EYA2: variants seen among roughly 807,000 people sequenced by gnomAD.
The protein encoded by EYA2 is protein phosphatase EYA2.
In EYA2, 31 loss-of-function variants were observed where a neutral mutation model predicts 69.2. The observed-to-expected ratio is 0.45, with a 90% CI of 0.34 to 0.60. The LOEUF is 0.60. EYA2 is among the 20% of genes least tolerant of loss of function. EYA2 has a pLI of 0.02. For missense variants in EYA2, 622 were observed against 701.2 expected, an observed-to-expected ratio of 0.89 and a Z score of 1.28; for synonymous variants, 257 against 279.4, an observed-to-expected ratio of 0.92 and a Z score of 0.80.
intron 1 of EYA2, among the ~76,000 whole-genome samples, chr20:46,954,588 A>G (rs1979004159): frequency 6.6e-6 from 1 of 152,224 alleles, no homozygotes; most frequent in Non-Finnish European, 1.5e-5. Flanking sequence ...CTCTCTCCAC[A>G]AATACCATGC....
Position 46,964,420 on chromosome 20 carries a change from G to C in EYA2, c.-10-25581G>C, listed in dbSNP as rs1349233068. On this transcript the variant is annotated intron_variant, in intron 1 of 15. Coordinates refer to ENST00000327619, the MANE Select transcript of EYA2 (RefSeq NM_005244.5). ...ACTGGGGTGTGACAAAGAGAACCAA[G>C]TAGCACCTGGCACACAGAGGTCCGC... Among the ~76,000 whole-genome samples the C allele has an allele frequency of 2.6e-5, 4 of 152,332 alleles. No individual in the cohort carries two copies. In the East Asian group the frequency reaches 7.7e-4, roughly 29 times the overall value.
intron 1 of EYA2, among the ~76,000 whole-genome samples, chr20:46,912,651 G>A (rs1026911019): frequency 6.6e-6 from 1 of 151,878 alleles, no homozygotes; most frequent in African/African-American, 2.4e-5. Context: ...AGGTTGATGG[G>A]AAACATTGAG....
intron 9 of EYA2, among the ~76,000 whole-genome samples, chr20:47,107,326 AC>A (rs1418330790): frequency 2.0e-5 from 3 of 151,790 alleles, no homozygotes; most frequent in Non-Finnish European, 4.4e-5. Context: ...GGAGTTCGAG[AC>A]CAGCCTGCCC....
rs1015923649 is a variant in EYA2 at position 46,935,328 on chromosome 20, T to C, written c.-11+40341T>C. On this transcript the variant is annotated intron_variant, in intron 1 of 15. Transcript: ENST00000327619. ...CTTGCTGTCCCATGCACTGGCTGTG[T>C]GACCTGCCGCACCTCTCTGGGCCTC... is the stretch of plus-strand genomic sequence containing the variant. 1.1e-4 allele frequency among the ~76,000 whole-genome samples: 17 copies of C among 152,340 alleles called. No individual in the cohort carries two copies. The East Asian group carries it at 3.1e-3, about 28-fold the overall frequency.
chr20:47,095,695 G>T (rs1249816747), intron 8 of EYA2: 1 of 152,134 alleles, frequency 6.6e-6, no homozygotes, highest in African/African-American at 2.4e-5. Flanking sequence ...TTCTTTCAAA[G>T]ATCTAGAGGA....
chr20:47,103,609 G>C (rs924333640), intron 9 of EYA2, among the ~76,000 whole-genome samples: 1 of 152,212 alleles, frequency 6.6e-6, no homozygotes, highest in Non-Finnish European at 1.5e-5. Context: ...GAGAGAGAAA[G>C]TTCAGAGTGT....
intron 6 of EYA2, among the ~76,000 whole-genome samples, chr20:47,073,498 G>GT (rs553578026): frequency 6.6e-6 from 1 of 151,992 alleles, no homozygotes. Context: ...GTGTCGTGGG[G>GT]GGGGGGTGCA....
Position 47,014,028 on chromosome 20 carries a change from G to A in EYA2, c.299-2153G>A, listed in dbSNP as rs530826019. The stretch of plus-strand genomic sequence containing the variant: ...TCAATTCCCACATCTTTAAAATGAA[G>A]GAAGTAATATATAGCCTGTTTTGTG... On this transcript the variant is annotated intron_variant, in intron 4 of 15. Transcript: ENST00000327619. Among the ~76,000 whole-genome samples the A allele has an allele frequency of 3.3e-5, 5 of 152,268 alleles. No individual in the cohort carries two copies. In the East Asian group the frequency reaches 9.7e-4, roughly 29 times the overall value.
At chr20:47,078,331 G>GCGCA (rs1474691098) in intron 7 of EYA2, among the ~76,000 whole-genome samples, 61 of 123,828 alleles carry the variant, frequency 4.9e-4, no homozygotes, top group South Asian at 8.3e-4. Flanking sequence ...GCGCGCGCGC[G>GCGCA]CACACACACA....
intron 1 of EYA2, among the ~76,000 whole-genome samples, chr20:46,938,713 G>C (rs1228413220): frequency 1.3e-5 from 2 of 152,210 alleles, no homozygotes; most frequent in African/African-American, 4.8e-5. Context: ...TTTTATGTCA[G>C]TGTTTATGTC....
At chr20:46,930,114 CAG>C (rs1985603063) in intron 1 of EYA2, among the ~76,000 whole-genome samples, 1 of 152,190 alleles carries the variant, frequency 6.6e-6, no homozygotes, top group African/African-American at 2.4e-5. Context: ...GTTAGAGATG[CAG>C]AGTTACTTAC....
At position 47,156,010 on chromosome 20, in the gene EYA2, C is replaced by T. The variant is rs2033914496; in HGVS notation, c.978+12862C>T. On this transcript the variant is annotated intron_variant, in intron 10 of 15. Transcript: ENST00000327619. ...CAGCCAATGTGGCGAAATCCCGTCT[C>T]TACTTAAATATATATATATATACAT... Among the ~76,000 whole-genome samples, 2 of 144,702 alleles carry T rather than the reference C, an allele frequency of 1.4e-5. 1 individual carries two copies. Among genetic ancestry groups the T allele is most frequent in the African/African-American group, 5.1e-5 (2 of 39,532 alleles). The allele number at this position is 144,702 out of a possible 152,430, so 94.9% of individuals were successfully genotyped here.
chr20:47,160,511 G>T (rs1398207497), intron 10 of EYA2, among the ~76,000 whole-genome samples: 1 of 152,146 alleles, frequency 6.6e-6, no homozygotes, highest in Non-Finnish European at 1.5e-5. Flanking sequence ...TGCGGGCAGT[G>T]GAGGAGGTGA....
intron 9 of EYA2, among the ~76,000 whole-genome samples, chr20:47,120,230 G>A (rs1263812061): frequency 6.7e-6 from 1 of 149,914 alleles, no homozygotes; most frequent in Admixed American, 6.6e-5. Flanking sequence ...AAATAAAATA[G>A]CCAGGCATGG....
intron 1 of EYA2, among the ~76,000 whole-genome samples, chr20:46,973,798 G>GAA (rs11428493): frequency 2.1e-4 from 29 of 140,226 alleles, no homozygotes; most frequent in East Asian, 1.4e-3. Flanking sequence ...AGAGAAGGAG[G>GAA]AAAAAAAAAA....
intron 4 of EYA2, among the ~76,000 whole-genome samples, chr20:47,010,217 G>A (rs1303417734): frequency 6.6e-6 from 1 of 152,144 alleles, no homozygotes; most frequent in Non-Finnish European, 1.5e-5. Context: ...CTCTGGCTTT[G>A]TAAAAAGCCA....
intron 9 of EYA2, among the ~76,000 whole-genome samples, chr20:47,107,484 C>T (rs1245316805): frequency 6.8e-6 from 1 of 146,696 alleles, no homozygotes; most frequent in African/African-American, 2.5e-5. Flanking sequence ...CTAGATCATG[C>T]CACTGTACTC....
rs1258026046 is a variant in EYA2, at chr20:47,080,596, TAATA to T, written c.661+6267_661+6270del. Among the ~76,000 whole-genome samples, 7 of 152,250 alleles carry T rather than the reference TAATA, an allele frequency of 4.6e-5. No individual in the cohort carries two copies. The South Asian group carries it at 6.2e-4, about 14-fold the overall frequency. ...TATTGTACAATATGGTGACTATAGT[TAATA>T]AATAAGGTATTTGTATTAGTCTATC... On this transcript the variant is annotated intron_variant, in intron 7 of 15. Transcript: ENST00000327619.
At chr20:47,005,636 G>A (rs1249801543) in intron 4 of EYA2, among the ~76,000 whole-genome samples, 1 of 152,262 alleles carries the variant, frequency 6.6e-6, no homozygotes, top group African/African-American at 2.4e-5. Flanking sequence ...GGGTGATGGA[G>A]ATAAGGAAGC....
Sources: gnomAD v4.1 joint callset for allele counts (sites outside exome capture counted in the v4.1 genomes callset) on GRCh38, gnomAD v4.1.1 for gene constraint, MANE v1.5 for transcripts, NCBI Gene and HGNC (gene_info 2026-07-23, HGNC 2026-07-21) for gene names.